TRAPPC9: variants seen among roughly 807,000 people sequenced by gnomAD.
TRAPPC9 encodes IKK2 binding protein.
Under a neutral mutation model 124.0 loss-of-function variants are expected in TRAPPC9, and 83 were observed. The observed-to-expected ratio is 0.67, with a 90% CI of 0.56 to 0.80. The LOEUF (loss-of-function observed/expected upper bound fraction) is 0.80, where lower values mean the gene tolerates loss of function less well. Ranked by LOEUF, TRAPPC9 falls within the 30% of genes least tolerant of loss-of-function variation. TRAPPC9 has a pLI of 0.00. For missense variants in TRAPPC9, 1,302 were observed against 1,508.3 expected, an observed-to-expected ratio of 0.86 and a Z score of 2.27; for synonymous variants, 638 against 617.5, an observed-to-expected ratio of 1.03 and a Z score of -0.49.
In TRAPPC9 at chr8:140,246,883, G is replaced by A. The variant is rs533952537; in HGVS notation, c.2431+5894C>T. ...GCATGTAGTCCCAGCTACTTGGGAG[G>A]CTGAGGCAGGAGAATCACTTGAACC... On this transcript the variant is annotated intron_variant, in intron 16 of 22. Coordinates refer to ENST00000438773, the MANE Select transcript of TRAPPC9 (RefSeq NM_001160372.4). Among the ~76,000 whole-genome samples the A allele has an allele frequency of 4.2e-4, 64 of 152,264 alleles. 1 individual carries two copies. Among genetic ancestry groups the A allele is most frequent in the Middle Eastern group, 6.8e-3 (2 of 292 alleles).
chr8:140,002,024 C>T (rs1838431715), intron 18 of TRAPPC9, among the ~76,000 whole-genome samples: 1 of 151,604 alleles, frequency 6.6e-6, no homozygotes, highest in Non-Finnish European at 1.5e-5. Flanking sequence ...TTCTACCAAG[C>T]ATTTCAAAAA....
At chr8:140,164,108 G>A (rs967261733) in intron 17 of TRAPPC9, among the ~76,000 whole-genome samples, 5 of 152,092 alleles carry the variant, frequency 3.3e-5, no homozygotes, top group South Asian at 2.1e-4. Flanking sequence ...CAAACACAGC[G>A]ACCACCCCCA....
intron 7 of TRAPPC9, among the ~76,000 whole-genome samples, chr8:140,377,647 A>G (rs141946483): frequency 6.6e-6 from 1 of 152,144 alleles, no homozygotes; most frequent in Admixed American, 6.5e-5. Flanking sequence ...CCCTCCAATG[A>G]CAACTCATGC....
At chr8:140,180,263 C>G (rs2062167892) in intron 17 of TRAPPC9, among the ~76,000 whole-genome samples, 1 of 151,728 alleles carries the variant, frequency 6.6e-6, no homozygotes, top group South Asian at 2.1e-4. Flanking sequence ...CAATGTGCAT[C>G]TTAAACTCAT....
intron 21 of TRAPPC9, among the ~76,000 whole-genome samples, chr8:139,807,370 C>G (rs1824141296): frequency 6.6e-6 from 1 of 152,188 alleles, no homozygotes. Context: ...GCAAAGCGGA[C>G]AGCTGGCAGC....
At chr8:139,897,835 G>A (rs995917977) in intron 20 of TRAPPC9, among the ~76,000 whole-genome samples, 2 of 152,214 alleles carry the variant, frequency 1.3e-5, no homozygotes, top group South Asian at 2.1e-4. Context: ...CCAGAGTGAC[G>A]GGGTCAGGAG....
intron 18 of TRAPPC9, among the ~76,000 whole-genome samples, chr8:140,017,968 C>G (rs1017638781): frequency 1.3e-5 from 2 of 152,074 alleles, no homozygotes; most frequent in African/African-American, 4.8e-5. Context: ...CTCAGCCTCC[C>G]AAGTAGCTGG....
intron 17 of TRAPPC9, among the ~76,000 whole-genome samples, chr8:140,167,175 T>C (rs1273236823): frequency 6.6e-6 from 1 of 151,584 alleles, no homozygotes; most frequent in Admixed American, 6.6e-5. Flanking sequence ...TAACAATCAG[T>C]TTGAGATCAG....
chr8:139,827,529 G>T (rs1168612752), intron 21 of TRAPPC9, among the ~76,000 whole-genome samples: 2 of 152,220 alleles, frequency 1.3e-5, no homozygotes, highest in African/African-American at 4.8e-5. Context: ...GGCTTCCCCG[G>T]GAGCTGGGAT....
At chr8:139,998,016 A>AG (rs1344075454) in intron 18 of TRAPPC9, among the ~76,000 whole-genome samples, 4 of 145,750 alleles carry the variant, frequency 2.7e-5, no homozygotes, top group Non-Finnish European at 4.5e-5. Context: ...CATCCTACAC[A>AG]GGGAGACAAT....
At chr8:139,993,747 C>A (rs1347276249) in intron 18 of TRAPPC9, among the ~76,000 whole-genome samples, 1 of 152,078 alleles carries the variant, frequency 6.6e-6, no homozygotes, top group African/African-American at 2.4e-5. Context: ...ACAGACAAAT[C>A]TCATATTAAA....
At chr8:140,204,660 T>C (rs1304241922) in intron 17 of TRAPPC9, among the ~76,000 whole-genome samples, 1 of 152,194 alleles carries the variant, frequency 6.6e-6, no homozygotes, top group African/African-American at 2.4e-5. Context: ...CACTTGCTCC[T>C]GCTCTTTCCC....
intron 18 of TRAPPC9, among the ~76,000 whole-genome samples, chr8:139,994,687 G>A (rs188789101): frequency 1.4e-3 from 211 of 152,232 alleles, no homozygotes; most frequent in African/African-American, 4.9e-3. Context: ...GTTTTAAAAT[G>A]ACTTCAGATC....
At chr8:140,314,592 T>C (rs1389887280) in intron 9 of TRAPPC9, among the ~76,000 whole-genome samples, 1 of 152,154 alleles carries the variant, frequency 6.6e-6, no homozygotes, top group Non-Finnish European at 1.5e-5. Context: ...CCTCTCCCCA[T>C]CTCCCTTCTC....
intron 11 of TRAPPC9, among the ~76,000 whole-genome samples, chr8:140,291,507 C>G (rs2065659847): frequency 6.6e-6 from 1 of 152,238 alleles, no homozygotes; most frequent in South Asian, 2.1e-4. Flanking sequence ...CCTCCCCACC[C>G]ACTCCCAGGT....
In TRAPPC9 at chr8:139,961,536, T is replaced by C. The variant is rs938759720; in HGVS notation, c.2810+27190A>G. ...GCTATGGAGCCAAGCCTCCCTGTGC[T>C]CTCAGGGGAGCCAGGAACAGGCAGG... On this transcript the variant is annotated intron_variant, in intron 19 of 22. Coordinates refer to ENST00000438773, the MANE Select transcript of TRAPPC9 (RefSeq NM_001160372.4). Among the ~76,000 whole-genome samples the C allele has an allele frequency of 5.2e-3, 646 of 124,208 alleles. 98 individuals carry two copies. Among genetic ancestry groups the C allele is most frequent in the African/African-American group, 0.015 (606 of 39,362 alleles). 81.5% of individuals were successfully genotyped at this position (124,208 alleles called of 152,430 possible). A position where few individuals can be genotyped will look rare whatever the true frequency, so the allele number is the denominator to read the frequency against.
chr8:139,936,739 G>C (rs1351661411), intron 19 of TRAPPC9, among the ~76,000 whole-genome samples: 1 of 140,960 alleles, frequency 7.1e-6, no homozygotes, highest in Non-Finnish European at 1.5e-5. Flanking sequence ...ATAAAGCAGG[G>C]AGAGAATAGG....
At chr8:140,300,803 C>G (rs2065955178) in intron 10 of TRAPPC9, among the ~76,000 whole-genome samples, 189 bp from the exon 11 acceptor site, 1 of 152,190 alleles carries the variant, frequency 6.6e-6, no homozygotes, top group South Asian at 2.1e-4. Context: ...CAAGATTCTC[C>G]CAGACAGGGG....
intron 21 of TRAPPC9, among the ~76,000 whole-genome samples, chr8:139,805,072 C>T (rs1321142327): frequency 2.6e-5 from 4 of 152,134 alleles, no homozygotes; most frequent in South Asian, 4.1e-4. Flanking sequence ...TGATAGAATC[C>T]GAGGGAGGTG....
Sources: allele counts gnomAD v4.1 joint callset (sites outside exome capture counted in the v4.1 genomes callset), GRCh38; gene constraint gnomAD v4.1.1; transcripts MANE v1.5; gene names NCBI Gene and HGNC (gene_info 2026-07-23, HGNC 2026-07-21).